The following PAPOLA variants were observed in gnomAD, a reference collection of about 807,000 sequenced individuals.
PAPOLA encodes the protein polynucleotide adenylyltransferase alpha.
In PAPOLA, 15 loss-of-function variants were observed where a neutral mutation model predicts 100.6. That is an observed-to-expected ratio of 0.15 (90% confidence interval 0.10 to 0.23). PAPOLA has a LOEUF of 0.23. Among genes scored for constraint, PAPOLA ranks in the 10% least tolerant of loss-of-function variants. The pLI, the probability that PAPOLA is intolerant of heterozygous loss-of-function variation, is 1.00. For synonymous variants in PAPOLA, 293 were observed against 300.0 expected (o/e 0.98, Z 0.24); for missense variants, 533 against 884.2 (o/e 0.60, Z 5.04).
In PAPOLA at chr14:96,544,390, G is replaced by T. The variant is rs562931243; in HGVS notation, c.1399+132G>T. 5.8e-4 allele frequency: 345 copies of T among 594,654 alleles called. 6 individuals carry two copies. The South Asian group carries it at 6.9e-3, about 12-fold the overall frequency. The allele number at this position is 594,654 out of a possible 1,614,324, so 36.8% of individuals were successfully genotyped here. On this transcript the variant is annotated intron_variant, in intron 15 of 21. Transcript: ENST00000216277. ...ATATTGAACTATCATCAGAATAATG[G>T]TTTTGTATTAGTCTAATACAGATTG...
chr14:96,514,848 A>G (rs1897342947), intron 1 of PAPOLA, among the ~76,000 whole-genome samples: 1 of 152,236 alleles, frequency 6.6e-6, no homozygotes, highest in Non-Finnish European at 1.5e-5. Context: ...CTTACCAAGA[A>G]TAATATAACT....
chr14:96,522,356 T>C (rs1898071822), intron 3 of PAPOLA, among the ~76,000 whole-genome samples: 1 of 151,944 alleles, frequency 6.6e-6, no homozygotes, highest in East Asian at 1.9e-4. Flanking sequence ...TGGTCTCAAG[T>C]GATCTGCCCA....
intron 14 of PAPOLA, 49 bp from the exon 15 acceptor site, chr14:96,544,100 T>G (rs769510708): frequency 1.0e-6 from 1 of 974,292 alleles, no homozygotes; most frequent in East Asian, 2.4e-5. Context: ...CACTGATAGC[T>G]ACATTTTCAT....
chr14:96,523,813 C>T (rs772107061), intron 3 of PAPOLA, among the ~76,000 whole-genome samples: 4 of 151,980 alleles, frequency 2.6e-5, no homozygotes, highest in African/African-American at 7.3e-5. Context: ...CGTGGTAGTG[C>T]GCGCCTGTAA....
At chr14:96,564,883 C>A in intron 21 of PAPOLA, 72 bp from the exon 22 acceptor site, 1 of 800,746 alleles carries the variant, frequency 1.2e-6, no homozygotes, top group Non-Finnish European at 2.2e-6. Flanking sequence ...GGAAGTAAAG[C>A]AATGGAAAAT....
Position 96,520,122 on chromosome 14 carries a change from A to G in PAPOLA, c.76A>G (p.Ile26Val). 1 of 1,613,942 alleles carries G rather than the reference A, an allele frequency of 6.2e-7. No homozygotes were observed. Among genetic ancestry groups the G allele is most frequent in the Non-Finnish European group, 8.5e-7 (1 of 1,179,786 alleles). Residue 26 changes from isoleucine to valine, a missense_variant, in exon 2 of 22, where the codon ATC becomes GTC. This residue lies in a region of PAPOLA where 48 missense variants were observed against 52.3 expected (regional missense o/e 0.92). Coordinates refer to ENST00000216277, the MANE Select transcript of PAPOLA (RefSeq NM_032632.5). ...GAAGCACTATGGCATTACTTCTCCT[A>G]TCAGCTTAGCAGCCCCCAAGGAGAC... Reference protein sequence around the residue: ...PQKHYGITSPISLAAPKETDC... With the variant: ...PQKHYGITSPVSLAAPKETDC...
intron 16 of PAPOLA, 151 bp downstream of exon 16, chr14:96,548,069 G>A (rs1369852134): frequency 5.6e-5 from 37 of 663,708 alleles, no homozygotes; most frequent in Non-Finnish European, 9.0e-5. Context: ...GTTTCATTAT[G>A]TGAAATCTGA....
chr14:96,511,651 G>T (rs1043928680), intron 1 of PAPOLA, among the ~76,000 whole-genome samples: 1 of 152,108 alleles, frequency 6.6e-6, no homozygotes, highest in African/African-American at 2.4e-5. Flanking sequence ...ATTTGAGATT[G>T]TCATTGAAAA....
chr14:96,536,763 T>C (rs1899567726), intron 11 of PAPOLA: 1 of 407,006 alleles, frequency 2.5e-6, no homozygotes, highest in African/African-American at 2.0e-5. Context: ...AATTGTACTT[T>C]ACCAGAAACC....
At chr14:96,504,256 GAA>G (rs1372119942) in intron 1 of PAPOLA, 1 of 152,178 alleles carries the variant, frequency 6.6e-6, no homozygotes, top group African/African-American at 2.4e-5. Context: ...CTTCAATGAA[GAA>G]ATAACATTAA....
intron 3 of PAPOLA, among the ~76,000 whole-genome samples, chr14:96,523,554 G>C (rs1012380632): frequency 6.6e-6 from 1 of 152,186 alleles, no homozygotes. Flanking sequence ...TTGTGCACAC[G>C]TCTTGCTGGC....
At chr14:96,510,204 A>G (rs1897017467) in intron 1 of PAPOLA, among the ~76,000 whole-genome samples, 1 of 152,104 alleles carries the variant, frequency 6.6e-6, no homozygotes, top group African/African-American at 2.4e-5. Flanking sequence ...TTGATCAAGA[A>G]TAGTGTTTGT....
intron 1 of PAPOLA, among the ~76,000 whole-genome samples, chr14:96,507,566 C>T (rs1347870283): frequency 6.6e-6 from 1 of 152,042 alleles, no homozygotes. Context: ...TGAGCCACCG[C>T]GCCTGGCCGA....
chr14:96,526,265 G>T (rs2140270768), intron 4 of PAPOLA: 1 of 152,292 alleles, frequency 6.6e-6, no homozygotes, highest in East Asian at 1.9e-4. Flanking sequence ...AGGAGCCTGA[G>T]ACTAAAAGAG....
chr14:96,527,637 C>T, intron 5 of PAPOLA, 98 bp downstream of exon 5: 4 of 704,600 alleles, frequency 5.7e-6, no homozygotes, highest in South Asian at 1.7e-5. Flanking sequence ...TGAGTTCTTG[C>T]AATTTGCCAA....
chr14:96,541,332 AAAT>A (rs1209332515), intron 12 of PAPOLA, among the ~76,000 whole-genome samples: 1 of 152,204 alleles, frequency 6.6e-6, no homozygotes, highest in African/African-American at 2.4e-5. Flanking sequence ...TCAAAGAGTA[AAAT>A]AATTTTAAAA....
intron 15 of PAPOLA, among the ~76,000 whole-genome samples, chr14:96,545,242 A>T (rs1417765578): frequency 6.6e-6 from 1 of 152,104 alleles, no homozygotes; most frequent in African/African-American, 2.4e-5. Flanking sequence ...AGTATCGTAC[A>T]CTAACTGTGA....
chr14:96,519,388 A>G (rs1451883310), intron 1 of PAPOLA, among the ~76,000 whole-genome samples: 1 of 152,168 alleles, frequency 6.6e-6, no homozygotes, highest in Non-Finnish European at 1.5e-5. Context: ...ATGAAAAAAG[A>G]TTGAGTCAGA....
intron 4 of PAPOLA, 54 bp downstream of exon 4, chr14:96,525,445 T>C: frequency 1.4e-6 from 1 of 724,264 alleles, no homozygotes; most frequent in Non-Finnish European, 2.4e-6. Context: ...TTAAAAATTA[T>C]GACATACCCG....
Sources: gnomAD v4.1 joint callset for allele counts (sites outside exome capture counted in the v4.1 genomes callset) on GRCh38, gnomAD v4.1.1 for gene constraint, gnomAD v4.1.1 regional missense constraint, MANE v1.5 for transcripts, NCBI Gene and HGNC (gene_info 2026-07-23, HGNC 2026-07-21) for gene names.